Variants in C4orf50 observed in about 807,000 individuals in gnomAD.
C4orf50 encodes the protein uncharacterized protein C4orf50.
A neutral mutation model predicts 77.2 loss-of-function variants in C4orf50; 80 were observed. The ratio of observed to expected loss-of-function variants is 1.04; its 90% CI spans 0.87 to 1.25. The LOEUF (loss-of-function observed/expected upper bound fraction) is 1.25. C4orf50 is among the 50% of genes most tolerant of loss of function. The pLI is 0.00. For missense variants in C4orf50, 1,257 were observed against 1,152.9 expected (o/e 1.09, Z -1.31); for synonymous variants, 532 against 465.3 (o/e 1.14, Z -1.84).
chr4:5,976,759 C>T (rs1720311069), intron 29 of C4orf50, among the ~76,000 whole-genome samples: 1 of 152,238 alleles, frequency 6.6e-6, no homozygotes, highest in Non-Finnish European at 1.5e-5. Flanking sequence ...ATGTAAAGTG[C>T]TTAGAACAAG....
chr4:5,909,802 A>G (rs940051333), intron 7 of C4orf50, among the ~76,000 whole-genome samples: 11 of 152,210 alleles, frequency 7.2e-5, no homozygotes, highest in African/African-American at 2.7e-4. Context: ...CTCTGTTGAA[A>G]ATCAGTTGGC....
At chr4:5,911,684 A>T (rs1716812341) in intron 7 of C4orf50, among the ~76,000 whole-genome samples, 1 of 152,252 alleles carries the variant, frequency 6.6e-6, no homozygotes, top group Admixed American at 6.5e-5. Flanking sequence ...GAACAGAAAT[A>T]GAGAACCACA....
At chr4:5,971,399 T>C (rs1343948756) in intron 31 of C4orf50, among the ~76,000 whole-genome samples, 1 of 152,092 alleles carries the variant, frequency 6.6e-6, no homozygotes, top group Non-Finnish European at 1.5e-5. Context: ...TGGCCTCCCA[T>C]CAGCCCAGCC....
At chr4:6,010,451 A>C (rs1266401879) in intron 24 of C4orf50, among the ~76,000 whole-genome samples, 1 of 152,166 alleles carries the variant, frequency 6.6e-6, no homozygotes, top group Non-Finnish European at 1.5e-5. Flanking sequence ...AGCTTTTCTG[A>C]GTTTCCCACT....
chr4:5,965,865 T>C (rs1163987971), intron 32 of C4orf50, among the ~76,000 whole-genome samples: 1 of 152,192 alleles, frequency 6.6e-6, no homozygotes, highest in Non-Finnish European at 1.5e-5. Flanking sequence ...GTTAATGAAC[T>C]CATCTAAGAC....
chr4:5,926,450 A>T (rs1717516240), intron 7 of C4orf50, among the ~76,000 whole-genome samples: 1 of 152,154 alleles, frequency 6.6e-6, no homozygotes, highest in Admixed American at 6.5e-5. Flanking sequence ...GAGGGAACAG[A>T]CAGGGACTGT....
chr4:5,968,768 TCTC>T (rs1719726619), intron 31 of C4orf50, among the ~76,000 whole-genome samples: 2 of 152,164 alleles, frequency 1.3e-5, no homozygotes, highest in African/African-American at 4.8e-5. Flanking sequence ...GAGTCAGGTG[TCTC>T]CTCATTAGAC....
Position 5,919,016 on chromosome 4 carries a change from T to C in C4orf50, c.*2475-20828A>G, listed in dbSNP as rs756670698. Among the ~76,000 whole-genome samples, 1 of 151,682 alleles carries C rather than the reference T, an allele frequency of 6.6e-6. No homozygotes were observed. The highest frequency in any genetic ancestry group is 2.1e-4 in the South Asian group (1 of 4,778). ...ATGGGGAAACTGAGACCCGGAGGAG[T>C]CAAAGGGCTTGCCCAAGTCTCGGTG... is the stretch of plus-strand genomic sequence containing the variant. On this transcript the variant is annotated intron_variant, in intron 7 of 7. Transcript: ENST00000324058. This position sits in a 1 kb window ranked among gnomAD's most constrained non-coding sequence, Gnocchi z 6.5.
chr4:5,968,557 C>T (rs542833096), intron 31 of C4orf50, among the ~76,000 whole-genome samples: 11 of 152,320 alleles, frequency 7.2e-5, no homozygotes, highest in African/African-American at 2.2e-4. Flanking sequence ...GACTCTCCCA[C>T]CCCGGTGCCT....
intron 7 of C4orf50, among the ~76,000 whole-genome samples, chr4:5,913,327 C>CGT (rs935192054): frequency 6.6e-6 from 1 of 152,092 alleles, no homozygotes; most frequent in African/African-American, 2.4e-5. Context: ...AGGAGGAGGC[C>CGT]GTGTCTCTAG....
rs1046207068 is a variant in C4orf50 at position 6,017,846 on chromosome 4, G to C, written c.287+299C>G. Among the ~76,000 whole-genome samples, 1 of 152,188 alleles carries C rather than the reference G, an allele frequency of 6.6e-6. No individual in the cohort carries two copies. Among genetic ancestry groups the C allele is most frequent in the Non-Finnish European group, 1.5e-5 (1 of 68,026 alleles). On this transcript the variant is annotated intron_variant, in intron 23 of 33. Transcript: ENST00000531445. This position sits in a 1 kb window ranked among gnomAD's most constrained non-coding sequence, Gnocchi z 4.7. Reference sequence around the variant, plus strand: ...CCCTTTCATGGAACAGTCACCCAGAGAAGAAGAGAGGGAGAACACCTGGCT... The same window carrying C: ...CCCTTTCATGGAACAGTCACCCAGACAAGAAGAGAGGGAGAACACCTGGCT...
At chr4:5,975,301 A>G (rs975548134) in intron 30 of C4orf50, among the ~76,000 whole-genome samples, 9 of 152,132 alleles carry the variant, frequency 5.9e-5, no homozygotes, top group African/African-American at 2.2e-4. Context: ...GCTTCACCCC[A>G]GCATGAAAAG....
rs147119133 is a variant in C4orf50, at chr4:6,003,280, C to A, written c.963+4716G>T. ...CAATGGTGACAAATTACACTCACAT[C>A]TAAACTGTTCCAGTCCAGGATAAGC... is the stretch of plus-strand genomic sequence containing the variant. On this transcript the variant is annotated intron_variant, in intron 25 of 33. Coordinates refer to ENST00000531445, the Ensembl canonical transcript of C4orf50. Among the ~76,000 whole-genome samples the A allele has an allele frequency of 2.3e-3, 344 of 152,304 alleles. 2 individuals carry two copies. Among genetic ancestry groups the A allele is most frequent in the African/African-American group, 7.2e-3 (301 of 41,556 alleles).
intron 29 of C4orf50, among the ~76,000 whole-genome samples, chr4:5,977,990 C>T (rs1379752599): frequency 6.6e-6 from 1 of 152,050 alleles, no homozygotes; most frequent in Non-Finnish European, 1.5e-5. Context: ...GTCAATTAAC[C>T]CTATTAGAAA....
chr4:6,005,099 C>T (rs191901699), intron 25 of C4orf50, among the ~76,000 whole-genome samples: 3 of 152,264 alleles, frequency 2.0e-5, no homozygotes, highest in African/African-American at 7.2e-5. Context: ...TGGAATCCTC[C>T]ATCATCTCCA....
chr4:5,963,284 T>G (rs1719377752), intron 33 of C4orf50, among the ~76,000 whole-genome samples: 1 of 152,134 alleles, frequency 6.6e-6, no homozygotes, highest in African/African-American at 2.4e-5. Flanking sequence ...TGTGAGCCAC[T>G]GCGCCCAGCC....
intron 29 of C4orf50, among the ~76,000 whole-genome samples, chr4:5,979,467 CAT>C (rs1244900134): frequency 2.0e-5 from 3 of 152,174 alleles, no homozygotes; most frequent in Admixed American, 6.5e-5. Context: ...TAATTTCAAA[CAT>C]GTACACATAC....
chr4:5,898,102 T>C (rs1716203938), exon 8 of C4orf50: 1 of 152,244 alleles, frequency 6.6e-6, no homozygotes, highest in Non-Finnish European at 1.5e-5. Context: ...TAAACTGATG[T>C]CTGTGCTTCA....
chr4:5,914,217 T>G (rs771638524), intron 7 of C4orf50, among the ~76,000 whole-genome samples: 2,966 of 147,042 alleles, frequency 0.02, 65 homozygotes, highest in South Asian at 0.046. Flanking sequence ...TTTTTTTTTT[T>G]TTTTTTTTTT....
Sources: gnomAD v4.1 joint callset for allele counts (sites outside exome capture counted in the v4.1 genomes callset) on GRCh38, gnomAD v4.1.1 for gene constraint, Gnocchi (gnomAD v3.1) non-coding constraint, MANE v1.5 for transcripts, NCBI Gene and HGNC (gene_info 2026-07-23, HGNC 2026-07-21) for gene names.